UBOX5: variants seen among roughly 807,000 people sequenced by gnomAD.
UBOX5 encodes the protein U-box domain containing 5, also known as RING finger protein 37.
In UBOX5, 28 loss-of-function variants were observed where a neutral mutation model predicts 39.0. The ratio of observed to expected loss-of-function variants is 0.72; its 90% CI spans 0.53 to 0.98. UBOX5 has a LOEUF of 0.98. Ranked by LOEUF, UBOX5 falls within the 50% of genes least tolerant of loss-of-function variation. The pLI is 0.00. For synonymous variants in UBOX5, 283 were observed against 275.5 expected, an observed-to-expected ratio of 1.03 and a Z score of -0.27; for missense variants, 585 against 674.4, an observed-to-expected ratio of 0.87 and a Z score of 1.47.
chr20:3,133,535 G>A lies in UBOX5; in HGVS notation c.-41-10129C>T, dbSNP rs1303321786. Among the ~76,000 whole-genome samples the A allele has an allele frequency of 5.3e-5, 8 of 151,940 alleles. No individual in the cohort carries two copies. The East Asian group carries it at 1.5e-3, about 29-fold the overall frequency. ...CTTGGAGACAGATAATAATGGCATT[G>A]TAAGATGGCAATACAGTTTATAAGA... On this transcript the variant is annotated intron_variant, in intron 1 of 4. Coordinates refer to ENST00000217173, the MANE Select transcript of UBOX5 (RefSeq NM_014948.4).
chr20:3,150,599 G>A (rs771608473), intron 1 of UBOX5: 2 of 152,190 alleles, frequency 1.3e-5, no homozygotes, highest in Non-Finnish European at 2.9e-5. Context: ...TACCAGACAG[G>A]GCTGTTGCTG....
chr20:3,115,568 C>G, intron 3 of UBOX5, 102 bp from the exon 4 acceptor site: 2 of 1,271,612 alleles, frequency 1.6e-6, no homozygotes, highest in Non-Finnish European at 2.1e-6. Context: ...TCCAATCTCA[C>G]ACATCAATGT....
At chr20:3,158,729 C>T (rs1249200787) in intron 1 of UBOX5, among the ~76,000 whole-genome samples, 1 of 152,222 alleles carries the variant, frequency 6.6e-6, no homozygotes, top group African/African-American at 2.4e-5. Context: ...CCGCCTTGAC[C>T]TCCCAAAGTG....
At chr20:3,158,862 C>A (rs2066717240) in intron 1 of UBOX5, among the ~76,000 whole-genome samples, 1 of 152,220 alleles carries the variant, frequency 6.6e-6, no homozygotes, top group Admixed American at 6.5e-5. Flanking sequence ...GAATCTAGTT[C>A]TGGAAAGGCA....
At chr20:3,120,517 G>A (rs951728558) in intron 3 of UBOX5, among the ~76,000 whole-genome samples, 3 of 151,228 alleles carry the variant, frequency 2.0e-5, no homozygotes, top group South Asian at 4.2e-4. Flanking sequence ...GCGTGGTGGC[G>A]GGCGCCTAAT....
intron 1 of UBOX5, chr20:3,147,081 G>T (rs751567143): frequency 2.5e-6 from 4 of 1,614,102 alleles, no homozygotes; most frequent in Non-Finnish European, 3.4e-6. Context: ...CCCCCCAGAG[G>T]TACAGCTGCC....
chr20:3,149,413 G>A lies in UBOX5; in HGVS notation c.-42+10353C>T, dbSNP rs960971496. ...AAACCACATGACAGCATATATCAAGGATAAATTCTGCGGTCTGTGTAAAGG... is the reference window on the plus strand; with the variant it reads ...AAACCACATGACAGCATATATCAAGAATAAATTCTGCGGTCTGTGTAAAGG... On this transcript the variant is annotated intron_variant, in intron 1 of 4. Coordinates refer to ENST00000217173, the MANE Select transcript of UBOX5 (RefSeq NM_014948.4). This position sits in a 1 kb window ranked among gnomAD's most constrained non-coding sequence, Gnocchi z 4.1. Among the ~76,000 whole-genome samples the A allele has an allele frequency of 3.3e-5, 5 of 152,136 alleles. No individual in the cohort carries two copies. Among genetic ancestry groups the A allele is most frequent in the Admixed American group, 2.0e-4 (3 of 15,262 alleles).
At chr20:3,147,618 A>G in intron 1 of UBOX5, 3 of 1,614,216 alleles carry the variant, frequency 1.9e-6, no homozygotes, top group South Asian at 2.2e-5. Flanking sequence ...TCTACTGGAA[A>G]GTACTCCAAA....
chr20:3,130,493 G>C (rs2066421335), intron 1 of UBOX5, among the ~76,000 whole-genome samples: 1 of 151,578 alleles, frequency 6.6e-6, no homozygotes, highest in Non-Finnish European at 1.5e-5. Context: ...TACAGGTATG[G>C]GTCACCAAAC....
intron 4 of UBOX5, chr20:3,111,770 T>G (rs992171261): frequency 6.6e-6 from 1 of 152,220 alleles, no homozygotes; most frequent in Non-Finnish European, 1.5e-5. Flanking sequence ...GCCTACTTCC[T>G]CCCCAGGCTT....
intron 1 of UBOX5, among the ~76,000 whole-genome samples, chr20:3,155,803 A>G (rs1600424845): frequency 6.6e-6 from 1 of 152,234 alleles, no homozygotes; most frequent in East Asian, 1.9e-4. Flanking sequence ...AAATGATAAC[A>G]AAATAAGGAA....
intron 1 of UBOX5, among the ~76,000 whole-genome samples, chr20:3,133,739 T>C (rs913592936): frequency 3.1e-5 from 4 of 131,004 alleles, no homozygotes; most frequent in African/African-American, 1.1e-4. Flanking sequence ...TAAGCTCTTT[T>C]TTTTTCTTAT....
intron 1 of UBOX5, chr20:3,148,266 GA>G (rs1421189058): frequency 6.2e-7 from 1 of 1,611,382 alleles, no homozygotes. Flanking sequence ...TGCAAATTAA[GA>G]TAACTAGAAA....
intron 3 of UBOX5, among the ~76,000 whole-genome samples, chr20:3,118,845 A>G (rs1408252225): frequency 6.6e-6 from 1 of 152,160 alleles, no homozygotes; most frequent in Non-Finnish European, 1.5e-5. Context: ...AGGCTGAGGC[A>G]TGAGAATTGC....
intron 1 of UBOX5, 149 bp from the exon 2 acceptor site, chr20:3,123,555 A>G (rs1167576975): frequency 3.4e-6 from 2 of 590,242 alleles, no homozygotes; most frequent in African/African-American, 1.9e-5. Context: ...CTTATATCCT[A>G]TACATGATGT....
intron 1 of UBOX5, among the ~76,000 whole-genome samples, chr20:3,140,697 T>C (rs2066510515): frequency 6.6e-6 from 1 of 152,144 alleles, no homozygotes; most frequent in Non-Finnish European, 1.5e-5. Context: ...TGCATCTTTC[T>C]TAGGGTTACC....
chr20:3,151,520 G>A (rs947740546), intron 1 of UBOX5, among the ~76,000 whole-genome samples: 1 of 151,922 alleles, frequency 6.6e-6, no homozygotes, highest in Non-Finnish European at 1.5e-5. Context: ...AGAAAAACTT[G>A]GCCACGCCTA....
At chr20:3,116,048 C>T (rs977828337) in intron 3 of UBOX5, among the ~76,000 whole-genome samples, 1 of 152,186 alleles carries the variant, frequency 6.6e-6, no homozygotes, top group African/African-American at 2.4e-5. Flanking sequence ...AGCCACAGCG[C>T]CTGGCCTCCT....
chr20:3,140,014 C>CTTTTTTTTT (rs138435815), intron 1 of UBOX5, among the ~76,000 whole-genome samples: 4 of 78,350 alleles, frequency 5.1e-5, no homozygotes, highest in Admixed American at 2.0e-4. Flanking sequence ...GGCCTTTTTA[C>CTTTTTTTTT]TTTTTTTTTT....
Sources: allele counts gnomAD v4.1 joint callset (sites outside exome capture counted in the v4.1 genomes callset), GRCh38; gene constraint gnomAD v4.1.1; non-coding constraint Gnocchi (gnomAD v3.1); transcripts MANE v1.5; gene names NCBI Gene and HGNC (gene_info 2026-07-23, HGNC 2026-07-21).